Variants in TMEM182 observed in about 807,000 individuals in gnomAD.
The protein encoded by TMEM182 is transmembrane protein 182.
Under a neutral mutation model 26.8 loss-of-function variants are expected in TMEM182, and 20 were observed. The ratio of observed to expected loss-of-function variants is 0.75; its 90% CI spans 0.53 to 1.09. The LOEUF (loss-of-function observed/expected upper bound fraction) is 1.09, where lower values mean the gene tolerates loss of function less well. Ranked by LOEUF, TMEM182 falls within the 50% of genes least tolerant of loss-of-function variation. TMEM182 has a pLI of 0.00. For missense variants in TMEM182, 277 were observed against 275.5 expected (o/e 1.01, Z -0.04); for synonymous variants, 109 against 102.2 (o/e 1.07, Z -0.40).
intron 3 of TMEM182, among the ~76,000 whole-genome samples, chr2:102,839,328 T>C (rs1042439857): frequency 6.6e-6 from 1 of 151,988 alleles, no homozygotes; most frequent in African/African-American, 2.4e-5. Context: ...TTAGCGCTGA[T>C]TTCCGATTTC....
At chr2:102,813,055 C>G (rs1682611351) in intron 4 of TMEM182, among the ~76,000 whole-genome samples, 2 of 152,152 alleles carry the variant, frequency 1.3e-5, no homozygotes, top group Non-Finnish European at 1.5e-5. Flanking sequence ...CTATATTGCT[C>G]TACTCTGTGA....
In TMEM182 at chr2:102,814,867, T is replaced by C; in HGVS notation, c.589T>C (p.Tyr197His). The change falls in exon 5 of 5, where the codon TAT becomes CAT. Residue 197 changes from tyrosine to histidine, a missense_variant. Physicochemically the swap from Tyr to His is moderately conservative, Grantham distance 83. Transcript: ENST00000412401. ...DCLDFTPSVL[Y>H]GWSFFLAPAG... ...CCTGGATTTCACCCCTTCTGTTCTG[T>C]ATGGCTGGTCATTTTTCCTGGCCCC... is the stretch of plus-strand genomic sequence containing the variant. The C allele has an allele frequency of 6.2e-7, 1 of 1,614,038 alleles. No individual in the cohort carries two copies. The highest frequency in any genetic ancestry group is 8.5e-7 in the Non-Finnish European group (1 of 1,179,988).
At chr2:102,739,699 A>G (rs1194102690) in intron 1 of TMEM182, among the ~76,000 whole-genome samples, 1 of 152,196 alleles carries the variant, frequency 6.6e-6, no homozygotes, top group East Asian at 1.9e-4. Flanking sequence ...AGCCAAGCAG[A>G]TGCCTCCATG....
chr2:102,824,173 C>A lies in TMEM182; in HGVS notation c.326-19239C>A, dbSNP rs923128258. On this transcript the variant is annotated intron_variant, in intron 3 of 3. Transcript: ENST00000486293. ...AGAGTTGTTTTTACCACTGTCTATG[C>A]CTGGCTCAGTTGACTACATCACAGT... 2.0e-5 allele frequency among the ~76,000 whole-genome samples: 3 copies of A among 152,172 alleles called. No homozygotes were observed. In the East Asian group the frequency reaches 5.8e-4, roughly 29 times the overall value.
At chr2:102,843,198 A>G (rs1683387086) in intron 3 of TMEM182, among the ~76,000 whole-genome samples, 1 of 152,128 alleles carries the variant, frequency 6.6e-6, no homozygotes, top group Non-Finnish European at 1.5e-5. Context: ...CACCTCCAGT[A>G]AGTTGTCTCT....
rs192080766 is a variant in TMEM182, at chr2:102,808,062, A to G, written c.470-6686A>G. On this transcript the variant is annotated intron_variant, in intron 4 of 4. Coordinates refer to ENST00000412401, the MANE Select transcript of TMEM182 (RefSeq NM_144632.5). ...GCATTCGTAGCATGAGGGAGCATTG[A>G]GATTCCATCCTAAGAGGTTAATCAG... 1.1e-4 allele frequency among the ~76,000 whole-genome samples: 16 copies of G among 152,304 alleles called. 1 individual carries two copies. In the East Asian group the frequency reaches 2.3e-3, roughly 22 times the overall value.
At chr2:102,830,731 C>T (rs1433216263) in intron 3 of TMEM182, among the ~76,000 whole-genome samples, 3 of 152,138 alleles carry the variant, frequency 2.0e-5, no homozygotes, top group South Asian at 2.1e-4. Flanking sequence ...GAAAAATATA[C>T]AATTAAGTTA....
intron 4 of TMEM182, among the ~76,000 whole-genome samples, chr2:102,807,210 T>C (rs886787717): frequency 6.6e-6 from 1 of 152,004 alleles, no homozygotes; most frequent in Admixed American, 6.6e-5. Context: ...GTCTAGAAAA[T>C]GAAAGGGAAG....
intron 3 of TMEM182, among the ~76,000 whole-genome samples, chr2:102,767,697 G>A (rs1028740849): frequency 1.3e-5 from 2 of 152,044 alleles, no homozygotes; most frequent in Non-Finnish European, 2.9e-5. Context: ...AATATGTCTA[G>A]AATGACTTTA....
chr2:102,815,956 G>C lies in TMEM182; in HGVS notation c.*988G>C. 1 of 984,198 alleles carries C rather than the reference G, an allele frequency of 1.0e-6. No homozygotes were observed. 61.0% of individuals were successfully genotyped at this position (984,198 alleles called of 1,614,324 possible). A position where few individuals can be genotyped will look rare whatever the true frequency, so the allele number is the denominator to read the frequency against. On this transcript the variant is annotated 3_prime_UTR_variant, in exon 5 of 5. Transcript: ENST00000412401. Reference sequence around the variant, plus strand: ...TATTAACTTTCCCCAAGATGTTATGGGTTCCAGTTCTTCTGATCATTTGAT... The same window carrying C: ...TATTAACTTTCCCCAAGATGTTATGCGTTCCAGTTCTTCTGATCATTTGAT...
At chr2:102,775,748 G>A in intron 3 of TMEM182, among the ~76,000 whole-genome samples, 1 of 152,056 alleles carries the variant, frequency 6.6e-6, no homozygotes, top group East Asian at 1.9e-4. Flanking sequence ...ACCAACAACA[G>A]ACAAACAGAG....
chr2:102,792,786 C>A (rs1156963114), intron 3 of TMEM182, among the ~76,000 whole-genome samples: 1 of 152,130 alleles, frequency 6.6e-6, no homozygotes, highest in Non-Finnish European at 1.5e-5. Context: ...CAAGGCCCTC[C>A]CTTCCTTTAA....
chr2:102,807,155 C>G (rs1048060212), intron 4 of TMEM182, among the ~76,000 whole-genome samples: 1 of 152,086 alleles, frequency 6.6e-6, no homozygotes, highest in Non-Finnish European at 1.5e-5. Context: ...GCTTGAGAAA[C>G]CCAATCAGCA....
chr2:102,832,058 C>G lies in TMEM182; in HGVS notation c.326-11354C>G, dbSNP rs1573579578. Among the ~76,000 whole-genome samples, 4 of 152,162 alleles carry G rather than the reference C, an allele frequency of 2.6e-5. No individual in the cohort carries two copies. In the South Asian group the frequency reaches 8.3e-4, roughly 32 times the overall value. On this transcript the variant is annotated intron_variant, in intron 3 of 3. Coordinates refer to the TMEM182 transcript ENST00000486293. ...TTCATATTGCCATGCTCTCATATCC[C>G]CATACCTGGCATGACAGAGTGAGAG...
Position 102,817,616 on chromosome 2 carries a change from A to G in TMEM182, c.*2648A>G. The G allele has an allele frequency of 1.0e-6, 1 of 975,536 alleles. No individual in the cohort carries two copies. Among genetic ancestry groups the G allele is most frequent in the Non-Finnish European group, 1.2e-6 (1 of 820,940 alleles). The allele number at this position is 975,536 out of a possible 1,614,324, so 60.4% of individuals were successfully genotyped here. The stretch of plus-strand genomic sequence containing the variant: ...ATTCATTTAGTCATTTTTATTACTA[A>G]TCTATAAATATATTTATTAAATTTG... On this transcript the variant is annotated 3_prime_UTR_variant, in exon 5 of 5. Coordinates refer to ENST00000412401, the MANE Select transcript of TMEM182 (RefSeq NM_144632.5).
chr2:102,795,819 T>A (rs1157380029), intron 3 of TMEM182, among the ~76,000 whole-genome samples: 1 of 152,226 alleles, frequency 6.6e-6, no homozygotes, highest in Non-Finnish European at 1.5e-5. Context: ...GGTTGAATTC[T>A]GAGTTCTGGC....
chr2:102,806,159 G>T (rs1682336401), intron 4 of TMEM182, among the ~76,000 whole-genome samples: 1 of 151,902 alleles, frequency 6.6e-6, no homozygotes, highest in Non-Finnish European at 1.5e-5. Flanking sequence ...TATTGTATTG[G>T]TTTTTTCACT....
chr2:102,797,772 G>A, intron 3 of TMEM182, 91 bp from the exon 4 acceptor site: 1 of 1,470,366 alleles, frequency 6.8e-7, no homozygotes. Flanking sequence ...TTAGAAAAAT[G>A]AAGATGAAAG....
At chr2:102,773,307 A>G (rs997909758) in intron 3 of TMEM182, among the ~76,000 whole-genome samples, 4 of 152,052 alleles carry the variant, frequency 2.6e-5, no homozygotes, top group African/African-American at 9.7e-5. Flanking sequence ...TTAGAAGATG[A>G]TAAGTGCTCT....
Sources: gnomAD v4.1 joint callset for allele counts (sites outside exome capture counted in the v4.1 genomes callset) on GRCh38, gnomAD v4.1.1 for gene constraint, MANE v1.5 for transcripts, NCBI Gene and HGNC (gene_info 2026-07-23, HGNC 2026-07-21) for gene names.